The following QRICH2 variants were observed in gnomAD, a reference collection of about 807,000 sequenced individuals.
The protein encoded by QRICH2 is glutamine-rich protein 2.
A neutral mutation model predicts 168.3 loss-of-function variants in QRICH2; 119 were observed. That is an observed-to-expected ratio of 0.71 (90% CI 0.61 to 0.82). The LOEUF (loss-of-function observed/expected upper bound fraction) is 0.82, where lower values mean the gene tolerates loss of function less well. Among genes scored for constraint, QRICH2 ranks in the 40% least tolerant of loss-of-function variants. The probability of loss-of-function intolerance (pLI) is 0.00; values close to 1 mark genes in which losing one functional copy is unlikely to be tolerated. For synonymous variants in QRICH2, 894 were observed against 951.2 expected (o/e 0.94, Z 1.11); for missense variants, 2,241 against 2,491.6 (o/e 0.90, Z 2.14).
chr17:76,309,981 C>A (rs1189843723), upstream of QRICH2: 6 of 148,358 alleles, frequency 4.0e-5, 1 homozygote, highest in Non-Finnish European at 8.9e-5. Flanking sequence ...ATAACTAGTT[C>A]TTTGCAGTCT....
At position 76,290,004 on chromosome 17, in the gene QRICH2, C is replaced by T. The variant is rs1187411067; in HGVS notation, c.3786G>A (p.Gln1262=). The change falls in exon 5 of 19, where the codon CAG becomes CAA. Residue 1262 remains glutamine (Q), a synonymous_variant. Transcript: ENST00000680821. The part of the protein sequence containing the change: ...TVKTLAKEVW[Q]EKAKVERLQR... The stretch of plus-strand genomic sequence containing the variant: ...GACTCTTCCTTACTTTTGCTTTCTC[C>T]TGCCAAACTTCTTTGGCTAGCGTCT... The T allele has an allele frequency of 9.9e-6, 16 of 1,608,804 alleles. No homozygotes were observed. The highest frequency in any genetic ancestry group is 6.7e-5 in the African/African-American group (5 of 74,626).
At chr17:76,303,902 C>T (rs1347635397) in intron 3 of QRICH2, among the ~76,000 whole-genome samples, 1 of 149,350 alleles carries the variant, frequency 6.7e-6, no homozygotes, top group Non-Finnish European at 1.5e-5. Flanking sequence ...AAGTCGCCAC[C>T]AGCAAAGGGC....
At position 76,307,648 on chromosome 17, in the gene QRICH2, G is replaced by A. The variant is rs571510462; in HGVS notation, c.351C>T (p.Leu117=). Residue 117 remains leucine, a synonymous_variant, in exon 1 of 19, where the codon CTC becomes CTT. Transcript: ENST00000680821. This position sits in a 1 kb window ranked among gnomAD's most constrained non-coding sequence, Gnocchi z 5.3. ...GGQVEDLSKQ[L]KRVDGQVQGI... Reference sequence around the variant, plus strand: ...CCTGCACCTGGCCGTCCACACGCTTGAGCTGCTTGCTCAGGTCCTCCACCT... The same window carrying A: ...CCTGCACCTGGCCGTCCACACGCTTAAGCTGCTTGCTCAGGTCCTCCACCT... 1.3e-4 allele frequency: 199 copies of A among 1,483,852 alleles called. No individual in the cohort carries two copies. The African/African-American group carries it at 1.5e-3, about 11-fold the overall frequency. 91.9% of individuals were successfully genotyped at this position (1,483,852 alleles called of 1,614,324 possible).
intron 6 of QRICH2, 125 bp downstream of exon 6, chr17:76,287,675 G>A: frequency 1.4e-6 from 1 of 739,412 alleles, no homozygotes; most frequent in Non-Finnish European, 2.4e-6. Flanking sequence ...GTGAAGAGCA[G>A]ACACAATCCA....
At chr17:76,287,688 T>C (rs346785) in intron 6 of QRICH2, 112 bp downstream of exon 6, 367,243 of 786,076 alleles carry the variant, frequency 0.47, 92,148 homozygotes, top group African/African-American at 0.8. Flanking sequence ...ACAATCCAGG[T>C]CAAAGACAGT....
Position 76,291,693 on chromosome 17 carries a change from C to A in QRICH2, c.3034G>T (p.Val1012Leu). ...ISVRPYQHGM[V>L]PPGREQYGQV... The stretch of plus-strand genomic sequence containing the variant: ...CCGTATTGTTCTCTGCCAGGAGGTA[C>A]CATACCATGTTGATATGGACGTACT... Residue 1012 changes from valine to leucine, a missense_variant, in exon 4 of 19, where the codon GTA (valine) becomes TTA (leucine). Transcript: ENST00000680821. The A allele has an allele frequency of 6.2e-7, 1 of 1,614,142 alleles. No individual in the cohort carries two copies. Among genetic ancestry groups the A allele is most frequent in the African/African-American group, 1.3e-5 (1 of 75,024 alleles).
intron 17 of QRICH2, among the ~76,000 whole-genome samples, chr17:76,276,236 C>A (rs2070676927): frequency 1.3e-5 from 2 of 149,366 alleles, no homozygotes; most frequent in African/African-American, 5.0e-5. Context: ...AGGGAGGCAT[C>A]TAGAAAGGCG....
upstream of QRICH2, chr17:76,308,512 G>T (rs2071025427): frequency 5.1e-6 from 5 of 985,092 alleles, no homozygotes; most frequent in Non-Finnish European, 6.0e-6. Context: ...GGGTTTCCTG[G>T]CAACCATGCT....
At chr17:76,308,696 G>C (rs905891007), upstream of QRICH2, among the ~76,000 whole-genome samples, 6 of 152,084 alleles carry the variant, frequency 3.9e-5, no homozygotes, top group African/African-American at 7.2e-5. Flanking sequence ...GTTCCAATTA[G>C]CCACTAGATG....
At position 76,280,980 on chromosome 17, in the gene QRICH2, TCG is replaced by T. The variant is rs774488601; in HGVS notation, c.4264-29_4264-28del. On this transcript the variant is annotated intron_variant, in intron 8 of 18. Coordinates refer to ENST00000680821, the MANE Select transcript of QRICH2 (RefSeq NM_001388453.1). This position sits in a 1 kb window ranked among gnomAD's most constrained non-coding sequence, Gnocchi z 7.4. ...TGCGGCAGGAGGGATGGGAAGGCTCTCGGAGGCTGCTGGCGCGATCCCACCCC... is the reference window on the plus strand; with the variant it reads ...TGCGGCAGGAGGGATGGGAAGGCTCTGAGGCTGCTGGCGCGATCCCACCCC... 1.2e-6 allele frequency: 2 copies of T among 1,602,022 alleles called. No individual in the cohort carries two copies. The highest frequency in any genetic ancestry group is 1.7e-6 in the Non-Finnish European group (2 of 1,179,030).
At chr17:76,277,856 CTT>C (rs1385264882) in intron 15 of QRICH2, 131 bp downstream of exon 15, 6 of 969,814 alleles carry the variant, frequency 6.2e-6, no homozygotes, top group South Asian at 1.5e-5. Context: ...CTCGCCCACA[CTT>C]TCTCTCACAC....
intron 18 of QRICH2, 119 bp downstream of exon 18, chr17:76,275,700 C>T (rs1029907943): frequency 9.2e-6 from 12 of 1,298,852 alleles, no homozygotes; most frequent in African/African-American, 3.0e-5. Context: ...ACCCATCCCC[C>T]CCTTCGGCTC....
In QRICH2 at chr17:76,275,840, T is replaced by C. The variant is rs1410962309; in HGVS notation, c.5461A>G (p.Ile1821Val). Residue 1821 changes from isoleucine (I) to valine (V), a missense_variant, in exon 18 of 19, where the codon ATT (isoleucine) becomes GTT (valine). Ile to Val is a conservative substitution (Grantham distance 29). This residue lies in a region of QRICH2 where 189 missense variants were observed against 169.3 expected (regional missense o/e 1.12). Coordinates refer to ENST00000680821, the MANE Select transcript of QRICH2 (RefSeq NM_001388453.1). Reference protein sequence around the residue: ...QLPSRPQSAQISAGNTSVSSR... With the variant: ...QLPSRPQSAQVSAGNTSVSSR... The stretch of plus-strand genomic sequence containing the variant: ...CTACCTGAGGTGTTGCCAGCCGAAA[T>C]CTGGGCGCTCTGTGGCCGAGAGGGC... 2 of 1,606,964 alleles carry C rather than the reference T, an allele frequency of 1.2e-6. No individual in the cohort carries two copies. The highest frequency in any genetic ancestry group is 2.2e-5 in the East Asian group (1 of 44,858).
chr17:76,299,452 A>AG (rs2143365826), intron 3 of QRICH2, among the ~76,000 whole-genome samples: 1 of 152,016 alleles, frequency 6.6e-6, no homozygotes, highest in Non-Finnish European at 1.5e-5. Context: ...ATGTTGCAAG[A>AG]GGGGCCGGGC....
In QRICH2 at chr17:76,291,222, T is replaced by C; in HGVS notation, c.3505A>G (p.Ser1169Gly). 6.2e-7 allele frequency: 1 copy of C among 1,614,170 alleles called. No individual in the cohort carries two copies. Among genetic ancestry groups the C allele is most frequent in the Non-Finnish European group, 8.5e-7 (1 of 1,180,034 alleles). Residue 1169 changes from serine (S) to glycine (G), a missense_variant, in exon 4 of 19, where the codon AGC (serine) becomes GGC (glycine). This residue lies in a region of QRICH2 where 2,047 missense variants were observed against 2,303.8 expected (regional missense o/e 0.89). Coordinates refer to ENST00000680821, the MANE Select transcript of QRICH2 (RefSeq NM_001388453.1). The stretch of plus-strand genomic sequence containing the variant: ...CTCAGGACTTCACTCGAGACTTCGC[T>C]CCCTTCTGATAAGACTCGGTCGACG... ...DSVDRVLSEG[S>G]EVSSEVLSER...
At chr17:76,277,779 TACAC>T (rs1041073720) in intron 15 of QRICH2, among the ~76,000 whole-genome samples, 6 of 151,408 alleles carry the variant, frequency 4.0e-5, no homozygotes, top group Non-Finnish European at 7.4e-5. Flanking sequence ...CACACACCCT[TACAC>T]ACACTCATAC....
chr17:76,277,863 TCA>T (rs892050023), intron 15 of QRICH2, 124 bp downstream of exon 15: 496 of 1,008,510 alleles, frequency 4.9e-4, no homozygotes, highest in Admixed American at 7.3e-4. Flanking sequence ...ACACTTTCTC[TCA>T]CACACACACA....
rs2070761312 is a variant in QRICH2, at chr17:76,280,187, T to C, written c.4627-33A>G. ...GGGGAAAGAGGGGCCAGGGGACCTC[T>C]AAGGAAGCAGGTAGGGGGCTGACCC... On this transcript the variant is annotated intron_variant, in intron 11 of 18. Coordinates refer to ENST00000680821, the MANE Select transcript of QRICH2 (RefSeq NM_001388453.1). This position sits in a 1 kb window ranked among gnomAD's most constrained non-coding sequence, Gnocchi z 7.4. 1 of 1,609,708 alleles carries C rather than the reference T, an allele frequency of 6.2e-7. No individual in the cohort carries two copies. The highest frequency in any genetic ancestry group is 1.3e-5 in the African/African-American group (1 of 74,836).
chr17:76,281,033 G>C lies in QRICH2; in HGVS notation c.4264-80C>G. On this transcript the variant is annotated intron_variant, in intron 8 of 18. Transcript: ENST00000680821. This position sits in a 1 kb window ranked among gnomAD's most constrained non-coding sequence, Gnocchi z 4.4. ...CTGCTGCCATAATATTGCTGCCCCA[G>C]GTAAGTTGGCCCTTAAAACATCTGC... 1 of 1,540,990 alleles carries C rather than the reference G, an allele frequency of 6.5e-7. No homozygotes were observed. The highest frequency in any genetic ancestry group is 8.7e-7 in the Non-Finnish European group (1 of 1,148,282).
Sources: allele counts gnomAD v4.1 joint callset (sites outside exome capture counted in the v4.1 genomes callset), GRCh38; gene constraint gnomAD v4.1.1; regional missense constraint gnomAD v4.1.1; non-coding constraint Gnocchi (gnomAD v3.1); transcripts MANE v1.5; gene names NCBI Gene and HGNC (gene_info 2026-07-23, HGNC 2026-07-21).